Variants in BRPF3 observed in about 807,000 individuals in gnomAD.
BRPF3 encodes bromodomain and PHD finger containing 3.
Under a neutral mutation model 102.0 loss-of-function variants are expected in BRPF3, and 18 were observed. That is an observed-to-expected ratio of 0.18 (90% CI 0.12 to 0.26). The LOEUF is 0.26. Among genes scored for constraint, BRPF3 ranks in the 10% least tolerant of loss-of-function variants. The pLI is 1.00. For missense variants in BRPF3, 1,147 were observed against 1,567.8 expected, an observed-to-expected ratio of 0.73 and a Z score of 4.53; for synonymous variants, 570 against 614.2, an observed-to-expected ratio of 0.93 and a Z score of 1.06.
chr6:36,214,479 A>C, intron 8 of BRPF3, 93 bp downstream of exon 8: 4 of 1,397,352 alleles, frequency 2.9e-6, no homozygotes, highest in Non-Finnish European at 2.8e-6. Flanking sequence ...CATCTCTCTA[A>C]TGGCACCATT....
chr6:36,198,830 T>C (rs1767597132), intron 1 of BRPF3, among the ~76,000 whole-genome samples: 1 of 152,222 alleles, frequency 6.6e-6, no homozygotes, highest in Non-Finnish European at 1.5e-5. Flanking sequence ...CAGCTCCTTA[T>C]GAGCTTGTCA....
At position 36,211,451 on chromosome 6, in the gene BRPF3, A is replaced by G. The variant is rs1768108347; in HGVS notation, c.2373A>G (p.Pro791=). The part of the protein sequence containing the change: ...KLAQPPPPQP[P]SLNKTVSNGE... ...CACAGCCACCACCACCACAGCCACC[A>G]TCACTCAACAAGACAGTATCCAATG... Residue 791 remains proline, a synonymous_variant, in exon 7 of 13, where the codon CCA becomes CCG. Transcript: ENST00000357641. 1.9e-6 allele frequency: 3 copies of G among 1,607,148 alleles called. No homozygotes were observed. Among genetic ancestry groups the G allele is most frequent in the Non-Finnish European group, 2.5e-6 (3 of 1,177,022 alleles).
At chr6:36,206,568 TA>T (rs1767913310) in intron 3 of BRPF3, among the ~76,000 whole-genome samples, 1 of 152,212 alleles carries the variant, frequency 6.6e-6, no homozygotes, top group African/African-American at 2.4e-5. Flanking sequence ...CTGTTTCACT[TA>T]CTAAGCAAAG....
At chr6:36,220,664 A>G (rs1029438198) in intron 9 of BRPF3, among the ~76,000 whole-genome samples, 1 of 152,232 alleles carries the variant, frequency 6.6e-6, no homozygotes, top group Non-Finnish European at 1.5e-5. Context: ...CATTTGTACA[A>G]GGCCTCAATT....
rs900481675 is a variant in BRPF3 at position 36,202,415 on chromosome 6, C to CT, written c.1448+645_1448+646insT. Among the ~76,000 whole-genome samples the CT allele has an allele frequency of 3.5e-4, 50 of 141,842 alleles. 1 individual carries two copies. Among genetic ancestry groups the CT allele is most frequent in the African/African-American group, 1.1e-3 (42 of 38,410 alleles). The allele number at this position is 141,842 out of a possible 152,430, so 93.1% of individuals were successfully genotyped here. On this transcript the variant is annotated intron_variant, in intron 2 of 12. Transcript: ENST00000357641. Reference sequence around the variant, plus strand: ...TGTGTAGCTAAGCTCTGTGGACCCCCCCCCCCTCCGCCCCCGCCATTGAGT... The same window carrying CT: ...TGTGTAGCTAAGCTCTGTGGACCCCCTCCCCCCTCCGCCCCCGCCATTGAGT...
intron 11 of BRPF3, among the ~76,000 whole-genome samples, chr6:36,228,189 T>G (rs56849581): frequency 0.094 from 14,334 of 152,260 alleles, 697 homozygotes; most frequent in Non-Finnish European, 0.099. Flanking sequence ...AGCAAGAGAT[T>G]GAAATGAGAT....
In BRPF3 at chr6:36,225,089, G is replaced by C. The variant is rs191121614; in HGVS notation, c.3182-178G>C. Reference sequence around the variant, plus strand: ...TACTATTTGGCCCTTTACAGAACTAGTTTGCTGACCCCTGATCCAGTCTAA... The same window carrying C: ...TACTATTTGGCCCTTTACAGAACTACTTTGCTGACCCCTGATCCAGTCTAA... On this transcript the variant is annotated intron_variant, in intron 10 of 12. Coordinates refer to ENST00000357641, the MANE Select transcript of BRPF3 (RefSeq NM_015695.3). Among the ~76,000 whole-genome samples, 14 of 152,324 alleles carry C rather than the reference G, an allele frequency of 9.2e-5. 1 individual carries two copies. The East Asian group carries it at 2.7e-3, about 29-fold the overall frequency.
In BRPF3 at chr6:36,210,002, T is replaced by C. The variant is rs1312414601; in HGVS notation, c.1866+87T>C. On this transcript the variant is annotated intron_variant, in intron 5 of 12. Coordinates refer to ENST00000357641, the MANE Select transcript of BRPF3 (RefSeq NM_015695.3). This position sits in a 1 kb window ranked among gnomAD's most constrained non-coding sequence, Gnocchi z 4.7. ...GCTAGGAAGGAGTTGGGCCACAGGG[T>C]GTACAAAACCAGGGGTAGGAGGGTG... is the stretch of plus-strand genomic sequence containing the variant. 2.6e-6 allele frequency: 4 copies of C among 1,554,220 alleles called. No homozygotes were observed. Among genetic ancestry groups the C allele is most frequent in the Admixed American group, 1.8e-5 (1 of 55,200 alleles).
At chr6:36,220,610 C>T (rs1191690944) in intron 9 of BRPF3, among the ~76,000 whole-genome samples, 1 of 152,154 alleles carries the variant, frequency 6.6e-6, no homozygotes, top group African/African-American at 2.4e-5. Context: ...CTCATCTTGA[C>T]GTGAACTTTG....
chr6:36,222,179 C>A lies in BRPF3; in HGVS notation c.3095C>A (p.Pro1032His). 1 of 1,550,316 alleles carries A rather than the reference C, an allele frequency of 6.5e-7. No individual in the cohort carries two copies. The highest frequency in any genetic ancestry group is 8.7e-7 in the Non-Finnish European group (1 of 1,147,078). The change falls in exon 10 of 13, where the codon CCC (proline) becomes CAC (histidine). Residue 1032 changes from proline (P) to histidine (H), a missense_variant. Physicochemically the swap from Pro to His is moderately conservative, Grantham distance 77. Around this residue, in one of 11 missense-constraint regions of BRPF3, gnomAD observed 379 missense variants for 426.3 expected, o/e 0.89. Transcript: ENST00000357641. Reference protein sequence around the residue: ...LAFEACSGLTPPKRSRGKPAL... With the variant: ...LAFEACSGLTHPKRSRGKPAL... ...TGCTCTGTGTGCAGTGGTCTGACGC[C>A]CCCCAAACGCAGCCGTGGGAAGCCA...
chr6:36,228,883 T>G lies in BRPF3; in HGVS notation c.3280-19T>G. 1 of 1,613,526 alleles carries G rather than the reference T, an allele frequency of 6.2e-7. No individual in the cohort carries two copies. The highest frequency in any genetic ancestry group is 8.5e-7 in the Non-Finnish European group (1 of 1,179,660). On this transcript the variant is annotated intron_variant, in intron 11 of 12. Transcript: ENST00000357641. ...CCTGGCCTCCCTCACTGAGTGCCCA[T>G]CTTCTATTCTGCCTCCAGATCATCG...
At chr6:36,211,907 A>G (rs1429767873) in intron 7 of BRPF3, among the ~76,000 whole-genome samples, 2 of 152,182 alleles carry the variant, frequency 1.3e-5, no homozygotes, top group Non-Finnish European at 2.9e-5. Flanking sequence ...AGTATTTTGC[A>G]CCTGATACAG....
chr6:36,209,950 T>C, intron 5 of BRPF3, 35 bp downstream of exon 5: 1 of 1,611,510 alleles, frequency 6.2e-7, no homozygotes, highest in Non-Finnish European at 8.5e-7. Context: ...AGTAAATTCT[T>C]CTTGAACTGG....
In BRPF3 at chr6:36,211,066, A is replaced by C. The variant is rs1768087451; in HGVS notation, c.2180-192A>C. 6.2e-6 allele frequency: 4 copies of C among 640,124 alleles called. No individual in the cohort carries two copies. In the African/African-American group the frequency reaches 7.3e-5, roughly 12 times the overall value. 39.7% of individuals were successfully genotyped at this position (640,124 alleles called of 1,614,324 possible). A position where few individuals can be genotyped will look rare whatever the true frequency, so the allele number is the denominator to read the frequency against. On this transcript the variant is annotated intron_variant, in intron 6 of 12. Transcript: ENST00000357641. ...ACTGCTTCCTGCAGACGTTTCCCAG[A>C]TTCTGACCTTGCCCCTGTGGCTGCC...
At position 36,230,754 on chromosome 6, in the gene BRPF3, A is replaced by C. The variant is rs1363603522; in HGVS notation, c.*145A>C. On this transcript the variant is annotated 3_prime_UTR_variant, in exon 13 of 13. Coordinates refer to ENST00000357641, the MANE Select transcript of BRPF3 (RefSeq NM_015695.3). This position sits in a 1 kb window ranked among gnomAD's most constrained non-coding sequence, Gnocchi z 5.4. ...CTGGGCTTTCTCCCCACTAAGGGCA[A>C]GGCCCCAGTTTTGACCAATCGCATG... 1 of 1,081,730 alleles carries C rather than the reference A, an allele frequency of 9.2e-7. No homozygotes were observed. Among genetic ancestry groups the C allele is most frequent in the African/African-American group, 1.6e-5 (1 of 62,536 alleles). The allele number at this position is 1,081,730 out of a possible 1,614,324, so 67.0% of individuals were successfully genotyped here.
intron 1 of BRPF3, among the ~76,000 whole-genome samples, chr6:36,198,602 A>G (rs1165836313): frequency 6.6e-6 from 1 of 152,224 alleles, no homozygotes; most frequent in Non-Finnish European, 1.5e-5. Context: ...AGTTGTGAGA[A>G]ATATTAAAAG....
chr6:36,227,149 A>G (rs73415515), intron 11 of BRPF3, among the ~76,000 whole-genome samples: 2,739 of 152,232 alleles, frequency 0.018, 80 homozygotes, highest in African/African-American at 0.061. Flanking sequence ...ATTCTTCAGT[A>G]TGTATTTGCA....
At chr6:36,211,178 T>C in intron 6 of BRPF3, 80 bp from the exon 7 acceptor site, 1 of 1,435,294 alleles carries the variant, frequency 7.0e-7, no homozygotes, top group South Asian at 1.3e-5. Context: ...GAGTTTTGCA[T>C]CCGAAGGATT....
rs772255575 is a variant in BRPF3, at chr6:36,204,736, G to A, written c.1527G>A (p.Leu509=). 2.5e-6 allele frequency: 4 copies of A among 1,614,234 alleles called. No individual in the cohort carries two copies. In the East Asian group the frequency reaches 8.9e-5, roughly 36 times the overall value. Residue 509 remains leucine (L), a synonymous_variant, in exon 3 of 13, where the codon TTG becomes TTA. Transcript: ENST00000357641. ...AGCGGCTTCACAATTATTGGCTGTTGAAGCGGCAGGCACGGAATGGTGTCC... is the reference window on the plus strand; with the variant it reads ...AGCGGCTTCACAATTATTGGCTGTTAAAGCGGCAGGCACGGAATGGTGTCC... ...FMQRLHNYWL[L]KRQARNGVPL... is the part of the protein sequence containing the mutation.
Sources: allele counts gnomAD v4.1 joint callset (sites outside exome capture counted in the v4.1 genomes callset), GRCh38; gene constraint gnomAD v4.1.1; regional missense constraint gnomAD v4.1.1; non-coding constraint Gnocchi (gnomAD v3.1); transcripts MANE v1.5; gene names NCBI Gene and HGNC (gene_info 2026-07-23, HGNC 2026-07-21).